COL5A2: variants seen among roughly 807,000 people sequenced by gnomAD.
COL5A2 encodes collagen type V alpha 2 chain.
In COL5A2, 23 loss-of-function variants were observed where a neutral mutation model predicts 208.2. The observed-to-expected ratio is 0.11, with a 90% CI of 0.08 to 0.16. The LOEUF is 0.16. Among genes scored for constraint, COL5A2 ranks in the 10% least tolerant of loss-of-function variants. The pLI is 1.00. For synonymous variants in COL5A2, 625 were observed against 628.5 expected, an observed-to-expected ratio of 0.99 and a Z score of 0.08; for missense variants, 1,590 against 1,956.4, an observed-to-expected ratio of 0.81 and a Z score of 3.53.
At chr2:189,279,529 T>TAAA in the COL5A2 span, among the ~76,000 whole-genome samples, 2 of 114,552 alleles carry the variant, frequency 1.7e-5, no homozygotes, top group African/African-American at 6.4e-5. Flanking sequence ...AGCATTTTTG[T>TAAA]AAAAAAAAAA....
intron 1 of COL5A2, among the ~76,000 whole-genome samples, chr2:189,136,897 C>T (rs1452312205): frequency 6.6e-6 from 1 of 152,122 alleles, no homozygotes; most frequent in African/African-American, 2.4e-5. Flanking sequence ...CTTTCAGCTA[C>T]TTACAATCTG....
the COL5A2 span, among the ~76,000 whole-genome samples, chr2:189,242,934 G>T: frequency 6.6e-6 from 1 of 152,096 alleles, no homozygotes; most frequent in Non-Finnish European, 1.5e-5. Flanking sequence ...TGGAGTCAGG[G>T]TACCAAATGG....
chr2:189,213,189 C>A (rs1689237378), intron 1 of COL5A2, among the ~76,000 whole-genome samples: 1 of 151,830 alleles, frequency 6.6e-6, no homozygotes, highest in African/African-American at 2.4e-5. Flanking sequence ...CACGCCCTGC[C>A]TTAACACTAT....
chr2:189,339,716 G>A, the COL5A2 span, among the ~76,000 whole-genome samples: 1 of 152,204 alleles, frequency 6.6e-6, no homozygotes, highest in Non-Finnish European at 1.5e-5. Context: ...AGGAAAAAGA[G>A]TTGGTCAGCA....
chr2:189,112,017 C>T (rs1190850913), intron 1 of COL5A2, among the ~76,000 whole-genome samples: 3 of 152,114 alleles, frequency 2.0e-5, no homozygotes, highest in African/African-American at 7.2e-5. Flanking sequence ...TGGCACCTGC[C>T]ACCATGCCCA....
chr2:189,392,495 A>C, the COL5A2 span, among the ~76,000 whole-genome samples: 1 of 152,206 alleles, frequency 6.6e-6, no homozygotes, highest in Non-Finnish European at 1.5e-5. Context: ...CCTGGAAGTA[A>C]AGAACGTTCC....
the COL5A2 span, among the ~76,000 whole-genome samples, chr2:189,399,021 T>A: frequency 7.9e-5 from 12 of 152,214 alleles, no homozygotes; most frequent in Non-Finnish European, 1.8e-4. Context: ...TGTTTTGTTA[T>A]ATACTTTTAA....
At chr2:189,317,893 T>C in the COL5A2 span, among the ~76,000 whole-genome samples, 8 of 152,306 alleles carry the variant, frequency 5.3e-5, no homozygotes, top group South Asian at 1.7e-3. Context: ...TTCAAAATTA[T>C]TTGACTGACC....
chr2:189,223,208 A>G (rs2105880642), intron 1 of COL5A2, among the ~76,000 whole-genome samples: 1 of 152,320 alleles, frequency 6.6e-6, no homozygotes, highest in Non-Finnish European at 1.5e-5. Flanking sequence ...GAATGAAGCC[A>G]TTATGGAAAA....
the COL5A2 span, among the ~76,000 whole-genome samples, chr2:189,362,096 T>C: frequency 2.0e-5 from 3 of 152,136 alleles, no homozygotes; most frequent in Non-Finnish European, 4.4e-5. Flanking sequence ...TTCTTTCTTT[T>C]GTAAGGTAAT....
the COL5A2 span, among the ~76,000 whole-genome samples, chr2:189,237,686 A>G: frequency 1.8e-3 from 276 of 152,044 alleles, 1 homozygote; most frequent in African/African-American, 6.5e-3. Context: ...CTATAGACCA[A>G]ACAAATTTGC....
chr2:189,389,623 T>C, the COL5A2 span, among the ~76,000 whole-genome samples: 1 of 152,204 alleles, frequency 6.6e-6, no homozygotes. Context: ...TTCAACCATA[T>C]GTATAATCTG....
At chr2:189,259,838 A>T in the COL5A2 span, among the ~76,000 whole-genome samples, 1 of 152,198 alleles carries the variant, frequency 6.6e-6, no homozygotes, top group Non-Finnish European at 1.5e-5. Flanking sequence ...GAGAGAAGCC[A>T]ACTAAGTTTA....
At chr2:189,209,464 G>T (rs900193698) in intron 1 of COL5A2, among the ~76,000 whole-genome samples, 34 of 152,272 alleles carry the variant, frequency 2.2e-4, no homozygotes, top group African/African-American at 8.2e-4. Context: ...TAATCCCCAT[G>T]ACAGAGGTAC....
At chr2:189,221,657 T>C (rs973069129) in intron 1 of COL5A2, among the ~76,000 whole-genome samples, 1 of 152,116 alleles carries the variant, frequency 6.6e-6, no homozygotes, top group African/African-American at 2.4e-5. Context: ...TACATTTAGA[T>C]AAAGGATTGA....
At chr2:189,175,653 C>T (rs889911234) in intron 1 of COL5A2, among the ~76,000 whole-genome samples, 2 of 151,226 alleles carry the variant, frequency 1.3e-5, no homozygotes, top group African/African-American at 2.4e-5. Context: ...TAGCAACTCT[C>T]GTGCCTCAGT....
chr2:189,219,015 T>G (rs1689313788), intron 1 of COL5A2, among the ~76,000 whole-genome samples: 1 of 152,196 alleles, frequency 6.6e-6, no homozygotes, highest in Admixed American at 6.5e-5. Flanking sequence ...GTATCTGATT[T>G]ACCTTACCCT....
the COL5A2 span, among the ~76,000 whole-genome samples, chr2:189,230,549 A>G: frequency 6.6e-6 from 1 of 151,960 alleles, no homozygotes; most frequent in Non-Finnish European, 1.5e-5. Context: ...ATATATTCTA[A>G]GAAAATTTCA....
In COL5A2 at chr2:189,053,895, A is replaced by C; in HGVS notation, c.2499T>G (p.Pro833=). 1.2e-6 allele frequency: 2 copies of C among 1,613,538 alleles called. No homozygotes were observed. The highest frequency in any genetic ancestry group is 1.3e-5 in the African/African-American group (1 of 75,050). The change falls in exon 37 of 54, where the codon CCT becomes CCG. Residue 833 remains proline, a splice_region_variant and synonymous_variant. Coordinates refer to ENST00000374866, the MANE Select transcript of COL5A2 (RefSeq NM_000393.5). ...AGAACACCAAAATACTGTCACTTAC[A>C]GGATTGCCCCGGGAGCCAGGAGGGC... ...LVGPPGSRGN[P]GSRGENGPTG...
Sources: gnomAD v4.1 joint callset for allele counts (sites outside exome capture counted in the v4.1 genomes callset) on GRCh38, gnomAD v4.1.1 for gene constraint, MANE v1.5 for transcripts, NCBI Gene and HGNC (gene_info 2026-07-23, HGNC 2026-07-21) for gene names.